KCNS3: variants seen among roughly 807,000 people sequenced by gnomAD.
KCNS3 encodes potassium voltage-gated channel modifier subfamily S member 3.
Under a neutral mutation model 31.0 loss-of-function variants are expected in KCNS3, and 13 were observed. The ratio of observed to expected loss-of-function variants is 0.42; its 90% CI spans 0.27 to 0.67. KCNS3 has a LOEUF of 0.67. Among genes scored for constraint, KCNS3 ranks in the 30% least tolerant of loss-of-function variants. The pLI is 0.25. For synonymous variants in KCNS3, 238 were observed against 241.5 expected (o/e 0.99, Z 0.13); for missense variants, 545 against 622.4 (o/e 0.88, Z 1.32).
chr2:17,932,158 A>G lies in KCNS3; in HGVS notation c.1150A>G (p.Lys384Glu). ...GDTHPVTLAG[K>E]LIASTCIICG... ...CACCCACCCGGTCACCTTGGCGGGA[A>G]AGCTCATCGCCAGCACATGCATCAT... Residue 384 changes from lysine (K) to glutamate (E), a missense_variant, in exon 3 of 3, where the codon AAG (lysine) becomes GAG (glutamate). Coordinates refer to ENST00000304101, the MANE Select transcript of KCNS3 (RefSeq NM_002252.5). The G allele has an allele frequency of 1.2e-6, 2 of 1,613,962 alleles. No homozygotes were observed. Among genetic ancestry groups the G allele is most frequent in the Non-Finnish European group, 1.7e-6 (2 of 1,179,966 alleles).
At chr2:17,907,263 C>T (rs928101870) in intron 1 of KCNS3, among the ~76,000 whole-genome samples, 2 of 152,176 alleles carry the variant, frequency 1.3e-5, no homozygotes, top group African/African-American at 2.4e-5. Flanking sequence ...TCTGTTTTAT[C>T]AGAGACTAGG....
At chr2:17,887,142 T>G (rs1661682070) in intron 1 of KCNS3, among the ~76,000 whole-genome samples, 1 of 152,166 alleles carries the variant, frequency 6.6e-6, no homozygotes, top group African/African-American at 2.4e-5. Context: ...CATAAGTTAT[T>G]TGGGTGCAGG....
intron 1 of KCNS3, among the ~76,000 whole-genome samples, chr2:17,908,736 A>G (rs565740470): frequency 7.2e-5 from 11 of 152,256 alleles, no homozygotes; most frequent in South Asian, 2.1e-4. Flanking sequence ...TCCAGACCCT[A>G]TTTGCCTGGG....
chr2:17,916,804 T>G (rs1662601198), intron 1 of KCNS3, among the ~76,000 whole-genome samples: 1 of 151,426 alleles, frequency 6.6e-6, no homozygotes, highest in Non-Finnish European at 1.5e-5. Flanking sequence ...AATGTTTGTT[T>G]AATCACTGGC....
intron 2 of KCNS3, among the ~76,000 whole-genome samples, chr2:17,926,550 A>G (rs1380484105): frequency 1.3e-5 from 2 of 152,236 alleles, no homozygotes; most frequent in African/African-American, 4.8e-5. Context: ...CCCAAACCTC[A>G]GTTCTTCTGT....
intron 1 of KCNS3, among the ~76,000 whole-genome samples, chr2:17,881,821 TG>T (rs1447503726): frequency 6.6e-6 from 1 of 152,250 alleles, no homozygotes; most frequent in Non-Finnish European, 1.5e-5. Flanking sequence ...AAGTGACTTT[TG>T]GGTCCCATGT....
chr2:17,900,929 T>G (rs1662158962), intron 1 of KCNS3, among the ~76,000 whole-genome samples: 1 of 152,206 alleles, frequency 6.6e-6, no homozygotes, highest in Admixed American at 6.5e-5. Flanking sequence ...ACAGAGTGTT[T>G]TATTTGTATT....
chr2:17,906,016 G>T, intron 1 of KCNS3, among the ~76,000 whole-genome samples: 1 of 152,154 alleles, frequency 6.6e-6, no homozygotes, highest in East Asian at 1.9e-4. Flanking sequence ...CTATTGATTG[G>T]AATAGTTTCA....
chr2:17,931,844 G>GT lies in KCNS3; in HGVS notation c.837dup (p.Glu280Ter), dbSNP rs1182850169. 2 of 1,614,080 alleles carry GT rather than the reference G, an allele frequency of 1.2e-6. No homozygotes were observed. Among genetic ancestry groups the GT allele is most frequent in the Non-Finnish European group, 1.7e-6 (2 of 1,180,034 alleles). On this transcript the variant is annotated frameshift_variant, in exon 3 of 3. Transcript: ENST00000304101. LOFTEE classifies it high-confidence loss of function. The surrounding 1 kb of genome is among the most constrained non-coding windows in gnomAD (Gnocchi z 5.4). ...GCTGTAGACACCAAGGAGGAAGAGA[G>GT]TGAGGATATTGAGAACATGGGCAAG...
intron 1 of KCNS3, among the ~76,000 whole-genome samples, chr2:17,891,998 T>A (rs1661867460): frequency 6.6e-6 from 1 of 152,200 alleles, no homozygotes; most frequent in African/African-American, 2.4e-5. Context: ...GAGGTTTTCC[T>A]TTATTGTTCC....
intron 1 of KCNS3, among the ~76,000 whole-genome samples, chr2:17,890,847 A>G (rs1661837047): frequency 6.6e-6 from 1 of 152,126 alleles, no homozygotes; most frequent in Admixed American, 6.6e-5. Context: ...ATGGCCCATC[A>G]TATGGTCTAT....
intron 1 of KCNS3, among the ~76,000 whole-genome samples, chr2:17,895,280 C>T (rs1286076894): frequency 1.3e-5 from 2 of 152,092 alleles, no homozygotes; most frequent in Non-Finnish European, 2.9e-5. Flanking sequence ...GACACTTCGC[C>T]CTCTGAGAGT....
Position 17,932,298 on chromosome 2 carries a change from G to T in KCNS3, c.1290G>T (p.Glu430Asp). ...ACCAGTGCAGTGAGGATGCACCAGA[G>T]AAGTGTCATGAGCTACCTTACTTTA... ...DVDQCSEDAP[E>D]KCHELPYFNI... Residue 430 changes from glutamate to aspartate, a missense_variant, in exon 3 of 3, where the codon GAG becomes GAT. Transcript: ENST00000304101. 6.2e-7 allele frequency: 1 copy of T among 1,614,010 alleles called. No homozygotes were observed. The highest frequency in any genetic ancestry group is 8.5e-7 in the Non-Finnish European group (1 of 1,179,904).
At position 17,893,940 on chromosome 2, in the gene KCNS3, G is replaced by GTT. The variant is rs5829612; in HGVS notation, c.-252+15159_-252+15160dup. The stretch of plus-strand genomic sequence containing the variant: ...CCCTCTGCCATGATCCCAGGAGCCA[G>GTT]TTTTTTTTTTTTTTTTTTTTTTTTT... On this transcript the variant is annotated intron_variant, in intron 1 of 2. Coordinates refer to ENST00000304101, the MANE Select transcript of KCNS3 (RefSeq NM_002252.5). 8.1e-3 allele frequency among the ~76,000 whole-genome samples: 803 copies of GTT among 98,876 alleles called. 23 individuals carry two copies. The highest frequency in any genetic ancestry group is 0.02 in the Middle Eastern group (3 of 150). The allele number at this position is 98,876 out of a possible 152,430, so 64.9% of individuals were successfully genotyped here.
chr2:17,888,476 G>T (rs181679991), intron 1 of KCNS3, among the ~76,000 whole-genome samples: 1 of 151,174 alleles, frequency 6.6e-6, no homozygotes, highest in South Asian at 2.1e-4. Flanking sequence ...GGTGTGGAGT[G>T]GGGGGAGAGG....
At chr2:17,911,846 C>T (rs1662478114) in intron 1 of KCNS3, among the ~76,000 whole-genome samples, 2 of 152,184 alleles carry the variant, frequency 1.3e-5, no homozygotes, top group South Asian at 4.1e-4. Flanking sequence ...TCCCTAAAAT[C>T]AGTTAACTTC....
intron 2 of KCNS3, among the ~76,000 whole-genome samples, chr2:17,929,044 T>C (rs1662897559): frequency 6.6e-6 from 1 of 152,248 alleles, no homozygotes; most frequent in Non-Finnish European, 1.5e-5. Flanking sequence ...TTGGCGGCTT[T>C]CTAAGTCACA....
chr2:17,930,141 T>C (rs957018355), intron 2 of KCNS3, among the ~76,000 whole-genome samples: 1 of 152,100 alleles, frequency 6.6e-6, no homozygotes, highest in South Asian at 2.1e-4. Context: ...AAGATAATTA[T>C]AGATTAGGGC....
At position 17,931,972 on chromosome 2, in the gene KCNS3, C is replaced by G; in HGVS notation, c.964C>G (p.His322Asp). 1 of 1,614,068 alleles carries G rather than the reference C, an allele frequency of 6.2e-7. No homozygotes were observed. Among genetic ancestry groups the G allele is most frequent in the Non-Finnish European group, 8.5e-7 (1 of 1,180,016 alleles). ...AGGTGCCACACTGAGACACAGCTAC[C>G]ATGAAGTTGGGCTTCTGCTTCTCTT... The part of the protein sequence containing the change: ...SLGATLRHSY[H>D]EVGLLLLFLS... Residue 322 changes from histidine (H) to aspartate (D), a missense_variant, in exon 3 of 3, where the codon CAT becomes GAT. Coordinates refer to ENST00000304101, the MANE Select transcript of KCNS3 (RefSeq NM_002252.5). The surrounding 1 kb of genome is among the most constrained non-coding windows in gnomAD (Gnocchi z 5.4).
Sources: allele counts gnomAD v4.1 joint callset (sites outside exome capture counted in the v4.1 genomes callset), GRCh38; gene constraint gnomAD v4.1.1; non-coding constraint Gnocchi (gnomAD v3.1); transcripts MANE v1.5; gene names NCBI Gene and HGNC (gene_info 2026-07-23, HGNC 2026-07-21).